Variants in ETV5 observed in about 807,000 individuals in gnomAD.
The protein encoded by ETV5 is ETS variant transcription factor 5.
In ETV5, 10 loss-of-function variants were observed where a neutral mutation model predicts 70.0. That is an observed-to-expected ratio of 0.14 (90% CI 0.09 to 0.24). The LOEUF is 0.24. Ranked by LOEUF, ETV5 falls within the 10% of genes least tolerant of loss-of-function variation. The probability of loss-of-function intolerance (pLI) is 1.00; values close to 1 mark genes in which losing one functional copy is unlikely to be tolerated. For missense variants in ETV5, 453 were observed against 651.2 expected, an observed-to-expected ratio of 0.70 and a Z score of 3.31; for synonymous variants, 216 against 242.2, an observed-to-expected ratio of 0.89 and a Z score of 1.01.
At chr3:186,077,228 C>A (rs73052025) in intron 7 of ETV5, among the ~76,000 whole-genome samples, 15,565 of 152,154 alleles carry the variant, frequency 0.1, 822 homozygotes, top group Non-Finnish European at 0.11. Flanking sequence ...TTAGGGATTT[C>A]GTTTTGAAGT....
At chr3:186,059,476 T>C (rs1713253712) in intron 9 of ETV5, among the ~76,000 whole-genome samples, 2 of 152,152 alleles carry the variant, frequency 1.3e-5, no homozygotes, top group Admixed American at 1.3e-4. Context: ...CAGTCAGCTG[T>C]GCGATCTTGA....
intron 5 of ETV5, among the ~76,000 whole-genome samples, chr3:186,102,178 A>C (rs1418002845): frequency 6.6e-6 from 1 of 152,200 alleles, no homozygotes; most frequent in Non-Finnish European, 1.5e-5. Flanking sequence ...AGAAAAAAAA[A>C]AGCCATAATC....
In ETV5 at chr3:186,048,720, G is replaced by T. The variant is rs1560043318; in HGVS notation, c.1452C>A (p.Thr484=). 1.9e-6 allele frequency: 3 copies of T among 1,614,146 alleles called. No homozygotes were observed. Among genetic ancestry groups the T allele is most frequent in the Non-Finnish European group, 2.5e-6 (3 of 1,180,026 alleles). ...HLSEEDTLPL[T]HFEDSPAYLL... ...GGTAAGCGGGGCTGTCTTCAAAGTG[G>T]GTCAGCGGCAGGGTGTCCTCCTCGC... The change falls in exon 13 of 13, where the codon ACC becomes ACA. Residue 484 remains threonine, a synonymous_variant. Coordinates refer to ENST00000306376, the MANE Select transcript of ETV5 (RefSeq NM_004454.3).
intron 5 of ETV5, among the ~76,000 whole-genome samples, chr3:186,086,222 G>A (rs1371138728): frequency 6.6e-6 from 1 of 152,144 alleles, no homozygotes; most frequent in Non-Finnish European, 1.5e-5. Flanking sequence ...CATATCTGTG[G>A]GTATGCACAA....
chr3:186,088,270 C>T (rs780670813), intron 5 of ETV5, among the ~76,000 whole-genome samples: 17 of 152,234 alleles, frequency 1.1e-4, no homozygotes, highest in Non-Finnish European at 2.4e-4. Context: ...AGAGCACTGA[C>T]ACGTGCTTCT....
chr3:186,078,645 G>A (rs554114918), intron 7 of ETV5, among the ~76,000 whole-genome samples: 136 of 152,190 alleles, frequency 8.9e-4, no homozygotes, highest in East Asian at 7.3e-3. Context: ...CGGCAGCTGT[G>A]TCCTCCAGAT....
intron 9 of ETV5, among the ~76,000 whole-genome samples, chr3:186,062,845 T>C (rs1287973227): frequency 6.6e-6 from 1 of 152,256 alleles, no homozygotes; most frequent in African/African-American, 2.4e-5. Context: ...ATTGAAAGAC[T>C]ATGTAGCAAG....
chr3:186,063,484 A>G (rs1366101591), intron 9 of ETV5, among the ~76,000 whole-genome samples: 1 of 152,226 alleles, frequency 6.6e-6, no homozygotes, highest in East Asian at 1.9e-4. Context: ...TCCTAATTAG[A>G]GTGAGATGAT....
At chr3:186,061,632 T>C (rs568769507) in intron 9 of ETV5, among the ~76,000 whole-genome samples, 21 of 152,320 alleles carry the variant, frequency 1.4e-4, no homozygotes, top group Non-Finnish European at 2.9e-5. Context: ...AAAACTTCCC[T>C]ATTTCAATGT....
intron 1 of ETV5, among the ~76,000 whole-genome samples, chr3:186,107,936 TC>T (rs144861316): frequency 0.025 from 3,399 of 135,176 alleles, 146 homozygotes; most frequent in African/African-American, 0.089. Context: ...ACGCCCAGCC[TC>T]CGACGCAGGC....
intron 5 of ETV5, among the ~76,000 whole-genome samples, chr3:186,095,842 C>T (rs973667325): frequency 1.3e-5 from 2 of 152,204 alleles, no homozygotes; most frequent in Non-Finnish European, 2.9e-5. Context: ...TACTTCCCCA[C>T]CAGCTGGAGG....
intron 5 of ETV5, among the ~76,000 whole-genome samples, chr3:186,083,010 TTC>T (rs1227872841): frequency 3.5e-4 from 53 of 152,376 alleles, no homozygotes; most frequent in African/African-American, 1.2e-3. Flanking sequence ...TCATTAGAGT[TTC>T]TCTCGTGATT....
At chr3:186,053,120 G>A (rs1033385817) in intron 11 of ETV5, among the ~76,000 whole-genome samples, 1 of 151,526 alleles carries the variant, frequency 6.6e-6, no homozygotes, top group Non-Finnish European at 1.5e-5. Flanking sequence ...TTTATTTTCT[G>A]AGATGGAGTC....
At chr3:186,108,755 C>G (rs1265370640) in intron 1 of ETV5, 185 bp downstream of exon 1, 1 of 910,486 alleles carries the variant, frequency 1.1e-6, no homozygotes, top group African/African-American at 1.8e-5. Flanking sequence ...CGACGCCTCC[C>G]AGGAACCAAA....
chr3:186,055,284 C>T (rs1045107200), intron 11 of ETV5, among the ~76,000 whole-genome samples: 3 of 152,226 alleles, frequency 2.0e-5, no homozygotes. Flanking sequence ...CATGACAGAA[C>T]TACTTTCAGA....
At chr3:186,098,416 A>C (rs931418884) in intron 5 of ETV5, among the ~76,000 whole-genome samples, 19 of 152,022 alleles carry the variant, frequency 1.2e-4, no homozygotes, top group African/African-American at 4.6e-4. Context: ...CTTCCTCCCC[A>C]GGGGAGGAGG....
chr3:186,060,290 G>C (rs535116057), intron 9 of ETV5, among the ~76,000 whole-genome samples: 1 of 152,328 alleles, frequency 6.6e-6, no homozygotes, highest in East Asian at 1.9e-4. Context: ...TCAGATGAAG[G>C]TCTGCCTATA....
At position 186,084,084 on chromosome 3, in the gene ETV5, G is replaced by C. The variant is rs115405701; in HGVS notation, c.233-2909C>G. On this transcript the variant is annotated intron_variant, in intron 5 of 12. Transcript: ENST00000306376. ...AATGAGGTATGTGATGCAGCCTTGA[G>C]AAATAAAGAAAAGGGCACAGCACCT... 249 of 282,212 alleles carry C rather than the reference G, an allele frequency of 8.8e-4. 2 individuals carry two copies. Among genetic ancestry groups the C allele is most frequent in the African/African-American group, 5.3e-3 (233 of 43,722 alleles). The allele number at this position is 282,212 out of a possible 1,614,324, so 17.5% of individuals were successfully genotyped here.
At chr3:186,078,171 C>T in intron 7 of ETV5, 1 of 1,051,672 alleles carries the variant, frequency 9.5e-7, no homozygotes. Context: ...GGATATTTGT[C>T]TCCCAACTCA....
Sources: gnomAD v4.1 joint callset for allele counts (sites outside exome capture counted in the v4.1 genomes callset) on GRCh38, gnomAD v4.1.1 for gene constraint, MANE v1.5 for transcripts, NCBI Gene and HGNC (gene_info 2026-07-23, HGNC 2026-07-21) for gene names.